The following EYS variants were observed in gnomAD, a reference collection of about 807,000 sequenced individuals.
EYS encodes protein eyes shut homolog.
In EYS, 250 loss-of-function variants were observed where a neutral mutation model predicts 282.1. That is an observed-to-expected ratio of 0.89 (90% confidence interval 0.80 to 0.98). EYS has a LOEUF of 0.98. Among genes scored for constraint, EYS ranks in the 50% least tolerant of loss-of-function variants. The pLI, the probability that EYS is intolerant of heterozygous loss-of-function variation, is 0.00. For missense variants in EYS, 4,016 were observed against 3,709.0 expected (o/e 1.08, Z -2.15); for synonymous variants, 1,355 against 1,282.9 (o/e 1.06, Z -1.20).
chr6:64,890,431 T>C (rs1015115860), intron 18 of EYS, among the ~76,000 whole-genome samples: 1 of 152,156 alleles, frequency 6.6e-6, no homozygotes, highest in East Asian at 1.9e-4. Context: ...CCTACAGACA[T>C]GTGATGTCTC....
intron 12 of EYS, among the ~76,000 whole-genome samples, chr6:65,291,239 A>G (rs1768516599): frequency 6.6e-6 from 1 of 151,502 alleles, no homozygotes; most frequent in Non-Finnish European, 1.5e-5. Context: ...GAAAATCAAA[A>G]TGAGATATAA....
At position 65,093,075 on chromosome 6, in the gene EYS, C is replaced by G. The variant is rs1031774943; in HGVS notation, c.2024-35348G>C. Among the ~76,000 whole-genome samples, 17 of 151,940 alleles carry G rather than the reference C, an allele frequency of 1.1e-4. 1 individual carries two copies. Among genetic ancestry groups the G allele is most frequent in the South Asian group, 4.1e-4 (2 of 4,828 alleles). On this transcript the variant is annotated intron_variant, in intron 12 of 42. Transcript: ENST00000503581. The stretch of plus-strand genomic sequence containing the variant: ...GAAAAGTGACATCACATACAAGCAA[C>G]CCTCATAAAACTATCAGTTGGTTTC...
At chr6:63,937,525 C>T (rs555104123) in intron 35 of EYS, among the ~76,000 whole-genome samples, 5 of 150,892 alleles carry the variant, frequency 3.3e-5, no homozygotes, top group South Asian at 2.1e-4. Context: ...GGACTACAGG[C>T]GCCCGCCACC....
chr6:64,215,290 G>T (rs1582438299), intron 31 of EYS, among the ~76,000 whole-genome samples: 1 of 152,038 alleles, frequency 6.6e-6, no homozygotes, highest in East Asian at 1.9e-4. Flanking sequence ...TAACCATGAG[G>T]AAGCTTCCTG....
chr6:65,374,505 T>TTTC (rs1317318887), intron 8 of EYS, among the ~76,000 whole-genome samples: 2 of 149,794 alleles, frequency 1.3e-5, no homozygotes, highest in Admixed American at 6.7e-5. Context: ...CTGCGGAGTT[T>TTTC]TTTTTTTTTT....
Position 65,422,088 on chromosome 6 carries a change from A to C in EYS, c.863-16721T>G, listed in dbSNP as rs1767488060. On this transcript the variant is annotated intron_variant, in intron 5 of 42. Transcript: ENST00000503581. ...TTGCCACAAACTTTCAATTTGTAGAAATTGAAGTATCTGTGAAGCACATTA... is the reference window on the plus strand; with the variant it reads ...TTGCCACAAACTTTCAATTTGTAGACATTGAAGTATCTGTGAAGCACATTA... 1.3e-5 allele frequency among the ~76,000 whole-genome samples: 2 copies of C among 151,954 alleles called. 1 individual carries two copies. The highest frequency in any genetic ancestry group is 4.1e-4 in the South Asian group (2 of 4,836).
At chr6:64,037,314 T>A (rs1026550437) in intron 33 of EYS, among the ~76,000 whole-genome samples, 1 of 152,188 alleles carries the variant, frequency 6.6e-6, no homozygotes, top group African/African-American at 2.4e-5. Context: ...AAAATAGCAA[T>A]CTGGGCTTTG....
chr6:64,318,991 C>A (rs1770092543), intron 29 of EYS, among the ~76,000 whole-genome samples: 1 of 151,826 alleles, frequency 6.6e-6, no homozygotes, highest in Admixed American at 6.6e-5. Context: ...GTTATACTAT[C>A]AAATACTAGA....
At chr6:65,511,984 CAAA>C (rs11368301) in intron 2 of EYS, among the ~76,000 whole-genome samples, 45 of 94,818 alleles carry the variant, frequency 4.7e-4, no homozygotes, top group South Asian at 3.3e-3. Flanking sequence ...AACTCTGTCT[CAAA>C]AAAAAAAAAA....
intron 5 of EYS, among the ~76,000 whole-genome samples, chr6:65,470,937 G>C (rs67861748): frequency 0.19 from 28,314 of 151,912 alleles, 3,268 homozygotes; most frequent in Middle Eastern, 0.29. Flanking sequence ...AGGAGTTTGA[G>C]GCCAGCCTGT....
rs529090899 is a variant in EYS at position 64,424,521 on chromosome 6, C to G, written c.5927+11653G>C. The stretch of plus-strand genomic sequence containing the variant: ...GAAACAGAACTTCTGATTTTTATGG[C>G]TGCACCAAACTGCATCTGCTTTATT... On this transcript the variant is annotated intron_variant, in intron 28 of 42. Coordinates refer to ENST00000503581, the MANE Select transcript of EYS (RefSeq NM_001142800.2). Among the ~76,000 whole-genome samples, 10 of 152,254 alleles carry G rather than the reference C, an allele frequency of 6.6e-5. No homozygotes were observed. The East Asian group carries it at 1.9e-3, about 29-fold the overall frequency.
At chr6:63,756,865 T>C (rs971064021) in intron 41 of EYS, among the ~76,000 whole-genome samples, 1 of 152,184 alleles carries the variant, frequency 6.6e-6, no homozygotes, top group Non-Finnish European at 1.5e-5. Flanking sequence ...TTAATACTTT[T>C]ATAATTTCTT....
intron 10 of EYS, among the ~76,000 whole-genome samples, chr6:65,336,172 A>G (rs1769982830): frequency 6.6e-6 from 1 of 151,746 alleles, no homozygotes; most frequent in African/African-American, 2.4e-5. Context: ...AGTCTCAGGT[A>G]GTTCTTCATA....
chr6:63,937,233 G>A (rs1562104355), intron 35 of EYS, among the ~76,000 whole-genome samples: 1 of 151,746 alleles, frequency 6.6e-6, no homozygotes, highest in East Asian at 1.9e-4. Context: ...ACTAGAGGTA[G>A]GAGTGAGGCA....
rs144768460 is a variant in EYS, at chr6:64,349,002, A to G, written c.6078+39688T>C. 1.9e-3 allele frequency among the ~76,000 whole-genome samples: 285 copies of G among 151,510 alleles called. 1 individual carries two copies. Among genetic ancestry groups the G allele is most frequent in the African/African-American group, 6.6e-3 (273 of 41,458 alleles). On this transcript the variant is annotated intron_variant, in intron 29 of 42. Transcript: ENST00000503581. ...TATTATGGATCATCACATAACCATA[A>G]TGTTTCAACGTGGAGACTGAATACA...
chr6:65,059,461 T>G (rs1057505192), intron 12 of EYS, among the ~76,000 whole-genome samples: 7 of 152,120 alleles, frequency 4.6e-5, no homozygotes, highest in African/African-American at 1.4e-4. Flanking sequence ...TGGATCAAGG[T>G]GCATACCAAA....
At chr6:64,843,265 C>T (rs116170958) in intron 19 of EYS, among the ~76,000 whole-genome samples, 8,907 of 152,148 alleles carry the variant, frequency 0.059, 273 homozygotes, top group East Asian at 0.1. Context: ...ACCCATACTG[C>T]GGCACCACCT....
chr6:64,116,518 G>C (rs114689613), intron 31 of EYS, among the ~76,000 whole-genome samples: 2,939 of 152,224 alleles, frequency 0.019, 82 homozygotes, highest in African/African-American at 0.066. Context: ...AATGGCAATA[G>C]TAAGTTATTA....
intron 2 of EYS, among the ~76,000 whole-genome samples, chr6:65,590,205 C>A (rs890759630): frequency 8.6e-5 from 13 of 151,984 alleles, no homozygotes; most frequent in Non-Finnish European, 1.6e-4. Flanking sequence ...TAGCATGGAA[C>A]CTTCTAGTTC....
Sources: gnomAD v4.1 joint callset for allele counts (sites outside exome capture counted in the v4.1 genomes callset) on GRCh38, gnomAD v4.1.1 for gene constraint, MANE v1.5 for transcripts, NCBI Gene and HGNC (gene_info 2026-07-23, HGNC 2026-07-21) for gene names.